The following LUC7L variants were observed in gnomAD, a reference collection of about 807,000 sequenced individuals.
LUC7L encodes the protein putative RNA-binding protein Luc7-like 1.
In LUC7L, 29 loss-of-function variants were observed where a neutral mutation model predicts 51.1. The ratio of observed to expected loss-of-function variants is 0.57; its 90% CI spans 0.42 to 0.77. The LOEUF is 0.77. Ranked by LOEUF, LUC7L falls within the 30% of genes least tolerant of loss-of-function variation. LUC7L has a pLI of 0.00. For synonymous variants in LUC7L, 181 were observed against 180.7 expected, an observed-to-expected ratio of 1.00 and a Z score of -0.01; for missense variants, 403 against 511.9, an observed-to-expected ratio of 0.79 and a Z score of 2.05.
chr16:225,744 C>G (rs1214311589), intron 2 of LUC7L, among the ~76,000 whole-genome samples: 4 of 151,160 alleles, frequency 2.6e-5, no homozygotes, highest in Non-Finnish European at 5.9e-5. Context: ...CTCGGCCTCC[C>G]AAAGTACTGG....
At chr16:194,922 A>G (rs191798324) in intron 6 of LUC7L, among the ~76,000 whole-genome samples, 72 of 152,274 alleles carry the variant, frequency 4.7e-4, no homozygotes, top group African/African-American at 1.7e-3. Context: ...AGCCAGTAAG[A>G]CAAAGAATCA....
chr16:201,241 C>CT (rs1479086723), intron 5 of LUC7L, among the ~76,000 whole-genome samples: 1,443 of 26,304 alleles, frequency 0.055, 37 homozygotes, highest in African/African-American at 0.16. Flanking sequence ...TGCTACATAA[C>CT]TAAAAAAAAA....
intron 3 of LUC7L, among the ~76,000 whole-genome samples, chr16:213,035 G>A (rs771210485): frequency 6.6e-6 from 1 of 152,080 alleles, no homozygotes; most frequent in Non-Finnish European, 1.5e-5. Flanking sequence ...CCAAAGTACT[G>A]GGATTACAGG....
At chr16:219,270 T>C (rs945339800) in intron 3 of LUC7L, among the ~76,000 whole-genome samples, 21 of 152,118 alleles carry the variant, frequency 1.4e-4, no homozygotes, top group African/African-American at 4.1e-4. Context: ...ATGCCTGTCA[T>C]CCCAGCTACT....
Position 206,115 on chromosome 16 carries a change from T to A in LUC7L, c.399A>T (p.Ile133=). 6.2e-7 allele frequency: 1 copy of A among 1,613,802 alleles called. No homozygotes were observed. Among genetic ancestry groups the A allele is most frequent in the Non-Finnish European group, 8.5e-7 (1 of 1,179,936 alleles). Residue 133 remains isoleucine, a synonymous_variant, in exon 5 of 10, where the codon ATA becomes ATT. Coordinates refer to ENST00000293872, the MANE Select transcript of LUC7L (RefSeq NM_201412.3). ...GTTCGGCTTTAGCAAGGAGTTTTCC[T>A]ATTTCTTCATTTAACTCATGTACTT... ...AEKVHELNEE[I]GKLLAKAEQL...
intron 2 of LUC7L, among the ~76,000 whole-genome samples, chr16:222,358 C>A (rs544913187): frequency 6.6e-6 from 1 of 150,748 alleles, no homozygotes; most frequent in Non-Finnish European, 1.5e-5. Context: ...ACGTTAGTAC[C>A]AGTTGCAGTG....
intron 6 of LUC7L, among the ~76,000 whole-genome samples, chr16:196,561 T>C (rs1212609792): frequency 6.6e-6 from 1 of 152,136 alleles, no homozygotes; most frequent in African/African-American, 2.4e-5. Context: ...AAAGTCTCAC[T>C]CTGTTGCCCA....
At chr16:216,601 T>TG (rs1489544254) in intron 3 of LUC7L, among the ~76,000 whole-genome samples, 1 of 151,516 alleles carries the variant, frequency 6.6e-6, no homozygotes, top group Non-Finnish European at 1.5e-5. Context: ...AGGCTGGTGT[T>TG]GAACTCCTGA....
At chr16:189,366 T>A in intron 9 of LUC7L, 27 bp from the exon 10 acceptor site, 1 of 1,591,096 alleles carries the variant, frequency 6.3e-7, no homozygotes. Flanking sequence ...AGAGGCTCAG[T>A]GGAGGCTGCT....
intron 9 of LUC7L, 83 bp downstream of exon 9, chr16:189,885 C>T: frequency 6.5e-7 from 1 of 1,540,524 alleles, no homozygotes; most frequent in Non-Finnish European, 8.8e-7. Flanking sequence ...CCATCCCCAC[C>T]AGACACGGCC....
At chr16:228,531 C>T in intron 1 of LUC7L, 4 of 1,211,534 alleles carry the variant, frequency 3.3e-6, no homozygotes, top group Non-Finnish European at 4.2e-6. Context: ...AAATAAAGTG[C>T]AAATAATCTG....
chr16:227,425 G>A (rs2050159354), intron 1 of LUC7L, 89 bp from the exon 2 acceptor site: 3 of 1,520,406 alleles, frequency 2.0e-6, no homozygotes, highest in South Asian at 1.2e-5. Context: ...TGGATGATTT[G>A]CAGACTATCA....
intron 4 of LUC7L, among the ~76,000 whole-genome samples, chr16:206,758 G>C (rs894785730): frequency 3.3e-5 from 5 of 152,020 alleles, no homozygotes; most frequent in South Asian, 4.2e-4. Flanking sequence ...AGATATTAAA[G>C]TTTAAAACAA....
intron 5 of LUC7L, among the ~76,000 whole-genome samples, chr16:201,421 T>C (rs1381228804): frequency 6.6e-6 from 1 of 152,008 alleles, no homozygotes; most frequent in Non-Finnish European, 1.5e-5. Context: ...GGTTACCTAC[T>C]GTATGATTCC....
rs923377241 is a variant in LUC7L at position 207,116 on chromosome 16, G to A, written c.366+962C>T. On this transcript the variant is annotated intron_variant, in intron 4 of 9. Transcript: ENST00000293872. ...CAGGAGGCTGAGGCAGGAGAATGGC[G>A]TAAACCCAGGAGGCGGAGCTTGCAG... 5.3e-5 allele frequency among the ~76,000 whole-genome samples: 8 copies of A among 151,368 alleles called. 1 individual carries two copies. The highest frequency in any genetic ancestry group is 1.9e-4 in the East Asian group (1 of 5,158).
Position 228,588 on chromosome 16 carries a change from A to G in LUC7L, c.61+691T>C, listed in dbSNP as rs546213221. ...GTGTGAACTTACAACTTCATTACTC[A>G]GCAGAAAAGAAAACACAAACCACAG... is the stretch of plus-strand genomic sequence containing the variant. On this transcript the variant is annotated intron_variant, in intron 1 of 9. Coordinates refer to ENST00000293872, the MANE Select transcript of LUC7L (RefSeq NM_201412.3). 7,663 of 1,191,764 alleles carry G rather than the reference A, an allele frequency of 6.4e-3. 34 individuals carry two copies. Among genetic ancestry groups the G allele is most frequent in the Non-Finnish European group, 7.5e-3 (7,068 of 939,838 alleles). 73.8% of individuals were successfully genotyped at this position (1,191,764 alleles called of 1,614,324 possible).
chr16:202,969 G>A (rs1741173718), intron 5 of LUC7L, among the ~76,000 whole-genome samples: 1 of 152,126 alleles, frequency 6.6e-6, no homozygotes, highest in South Asian at 2.1e-4. Flanking sequence ...CCGACATGGT[G>A]AAACCCCGTC....
rs191875362 is a variant in LUC7L, at chr16:204,379, G to A, written c.510+1625C>T. On this transcript the variant is annotated intron_variant, in intron 5 of 9. Transcript: ENST00000293872. Reference sequence around the variant, plus strand: ...TGGGAGACCGAGGCGGGTGGACCACGAGGTCAGATTGAGACCATCCTGGCT... The same window carrying A: ...TGGGAGACCGAGGCGGGTGGACCACAAGGTCAGATTGAGACCATCCTGGCT... Among the ~76,000 whole-genome samples the A allele has an allele frequency of 2.8e-4, 43 of 152,080 alleles. No individual in the cohort carries two copies. In the East Asian group the frequency reaches 6.2e-3, roughly 22 times the overall value.
intron 8 of LUC7L, 115 bp from the exon 9 acceptor site, chr16:190,250 C>A: frequency 1.1e-6 from 1 of 941,212 alleles, no homozygotes; most frequent in Non-Finnish European, 1.6e-6. Context: ...TTTACTCCCA[C>A]AAATTTAGGT....
Sources: allele counts gnomAD v4.1 joint callset (sites outside exome capture counted in the v4.1 genomes callset), GRCh38; gene constraint gnomAD v4.1.1; transcripts MANE v1.5; gene names NCBI Gene and HGNC (gene_info 2026-07-23, HGNC 2026-07-21).